Variants in MAP2K5 observed in about 807,000 individuals in gnomAD.
MAP2K5 encodes the protein mitogen-activated protein kinase kinase 5, also known as dual specificity mitogen-activated protein kinase kinase 5.
Under a neutral mutation model 83.1 loss-of-function variants are expected in MAP2K5, and 49 were observed. The observed-to-expected ratio is 0.59, with a 90% CI of 0.47 to 0.75. MAP2K5 has a LOEUF of 0.75. Among genes scored for constraint, MAP2K5 ranks in the 30% least tolerant of loss-of-function variants. The pLI is 0.00. For synonymous variants in MAP2K5, 202 were observed against 191.8 expected (o/e 1.05, Z -0.44); for missense variants, 457 against 557.5 (o/e 0.82, Z 1.82).
chr15:67,743,033 T>A (rs141054579), intron 17 of MAP2K5, among the ~76,000 whole-genome samples: 40 of 152,382 alleles, frequency 2.6e-4, no homozygotes, highest in Non-Finnish European at 5.0e-4. Flanking sequence ...CCAAGTAAAC[T>A]AATTTATGGC....
At chr15:67,595,026 T>C (rs2085495348) in intron 7 of MAP2K5, among the ~76,000 whole-genome samples, 3 of 152,204 alleles carry the variant, frequency 2.0e-5, no homozygotes, top group Admixed American at 2.0e-4. Flanking sequence ...CTTTAACACT[T>C]GAGCATAGTT....
intron 17 of MAP2K5, among the ~76,000 whole-genome samples, chr15:67,732,711 CTTG>C (rs2089248356): frequency 2.0e-5 from 3 of 151,084 alleles, no homozygotes; most frequent in Admixed American, 6.6e-5. Flanking sequence ...TGATTTTCAT[CTTG>C]TTGTTAATTT....
rs2090290801 is a variant in MAP2K5, at chr15:67,779,433, A to G, written c.1242+6681A>G. 1.3e-5 allele frequency among the ~76,000 whole-genome samples: 2 copies of G among 152,272 alleles called. No homozygotes were observed. The highest frequency in any genetic ancestry group is 4.1e-4 in the South Asian group (2 of 4,832). ...CAAGAACAGAGAGATTATAACCCTAAGAAAACAGGCTTTGTTTTTCCATAG... is the reference window on the plus strand; with the variant it reads ...CAAGAACAGAGAGATTATAACCCTAGGAAAACAGGCTTTGTTTTTCCATAG... On this transcript the variant is annotated intron_variant, in intron 21 of 21. Coordinates refer to ENST00000178640, the MANE Select transcript of MAP2K5 (RefSeq NM_145160.3). The surrounding 1 kb of genome is among the most constrained non-coding windows in gnomAD (Gnocchi z 4.6).
intron 17 of MAP2K5, among the ~76,000 whole-genome samples, chr15:67,744,617 A>C (rs1004511718): frequency 6.6e-6 from 1 of 152,238 alleles, no homozygotes; most frequent in African/African-American, 2.4e-5. Context: ...TCTGAATATA[A>C]TGTAAAAGGG....
At position 67,627,152 on chromosome 15, in the gene MAP2K5, T is replaced by TCTTGATCCCTA. The variant is rs1049338006; in HGVS notation, c.546-3736_546-3735insCTTGATCCCTA. 1.8e-4 allele frequency among the ~76,000 whole-genome samples: 28 copies of TCTTGATCCCTA among 152,290 alleles called. No individual in the cohort carries two copies. In the East Asian group the frequency reaches 2.9e-3, roughly 16 times the overall value. ...TTTTAAAAGACAGTGTCTCCCTATGTTGCCCAGGCTGGTCTTGATCTCCTG... is the reference window on the plus strand; with the variant it reads ...TTTTAAAAGACAGTGTCTCCCTATGTCTTGATCCCTATGCCCAGGCTGGTCTTGATCTCCTG... On this transcript the variant is annotated intron_variant, in intron 8 of 21. Coordinates refer to ENST00000178640, the MANE Select transcript of MAP2K5 (RefSeq NM_145160.3).
chr15:67,796,755 AT>A (rs1470484905), intron 21 of MAP2K5, among the ~76,000 whole-genome samples: 1 of 152,198 alleles, frequency 6.6e-6, no homozygotes, highest in Non-Finnish European at 1.5e-5. Context: ...CTTCAATTAT[AT>A]ATAATAAAAA....
At position 67,783,987 on chromosome 15, in the gene MAP2K5, A is replaced by T. The variant is rs925087083; in HGVS notation, c.1242+11235A>T. On this transcript the variant is annotated intron_variant, in intron 21 of 21. Coordinates refer to ENST00000178640, the MANE Select transcript of MAP2K5 (RefSeq NM_145160.3). The surrounding 1 kb of genome is among the most constrained non-coding windows in gnomAD (Gnocchi z 5.1). ...TTGAAGAGATTGAAGTAACAATTGC[A>T]CCTAACTTGGGGCTGAAGATGAATC... 3.3e-5 allele frequency among the ~76,000 whole-genome samples: 5 copies of T among 152,232 alleles called. No individual in the cohort carries two copies. Among genetic ancestry groups the T allele is most frequent in the African/African-American group, 4.8e-5 (2 of 41,460 alleles).
At position 67,630,375 on chromosome 15, in the gene MAP2K5, A is replaced by G. The variant is rs942385014; in HGVS notation, c.546-513A>G. On this transcript the variant is annotated intron_variant, in intron 8 of 21. Transcript: ENST00000178640. ...TGATTTAAGTTGTAGTTATTTCACT[A>G]TATCTGTTACTTTGAGCTTGTTTTG... 1.6e-4 allele frequency among the ~76,000 whole-genome samples: 24 copies of G among 152,272 alleles called. 1 individual carries two copies. The highest frequency in any genetic ancestry group is 1.4e-3 in the East Asian group (7 of 5,184).
intron 8 of MAP2K5, among the ~76,000 whole-genome samples, chr15:67,603,734 A>AT (rs1668173432): frequency 6.6e-6 from 1 of 152,210 alleles, no homozygotes; most frequent in South Asian, 2.1e-4. Flanking sequence ...TAAAGTCTCT[A>AT]TAAAACTAAG....
At position 67,783,360 on chromosome 15, in the gene MAP2K5, G is replaced by A. The variant is rs77148098; in HGVS notation, c.1242+10608G>A. On this transcript the variant is annotated intron_variant, in intron 21 of 21. Transcript: ENST00000178640. This position sits in a 1 kb window ranked among gnomAD's most constrained non-coding sequence, Gnocchi z 5.1. The stretch of plus-strand genomic sequence containing the variant: ...CCTCAGGCCACTCCTGTGGAGTCCT[G>A]TGCTCCAAACTTCTGGCAGTCCCCA... 0.086 allele frequency among the ~76,000 whole-genome samples: 13,048 copies of A among 152,174 alleles called. 705 individuals are homozygous for A. The highest frequency in any genetic ancestry group is 0.1 in the Admixed American group (1,588 of 15,296).
At chr15:67,660,020 T>G (rs1254386858) in intron 12 of MAP2K5, among the ~76,000 whole-genome samples, 2 of 152,162 alleles carry the variant, frequency 1.3e-5, no homozygotes, top group African/African-American at 4.8e-5. Context: ...ATTATTTTAG[T>G]GAAAGGCATT....
At chr15:67,617,901 C>T (rs1567312948) in intron 8 of MAP2K5, among the ~76,000 whole-genome samples, 1 of 151,966 alleles carries the variant, frequency 6.6e-6, no homozygotes, top group Non-Finnish European at 1.5e-5. Context: ...TCTATGTTGC[C>T]CAGGCTGGTC....
chr15:67,771,990 T>C (rs1489664637), intron 20 of MAP2K5, among the ~76,000 whole-genome samples: 3 of 152,224 alleles, frequency 2.0e-5, no homozygotes, highest in African/African-American at 7.2e-5. Flanking sequence ...CTTCATCACA[T>C]AGCTAAGTAC....
intron 13 of MAP2K5, among the ~76,000 whole-genome samples, chr15:67,675,276 C>T (rs968156511): frequency 5.9e-5 from 9 of 152,132 alleles, no homozygotes; most frequent in South Asian, 2.1e-4. Flanking sequence ...TAGAAAGGAG[C>T]GAACTGTTGA....
intron 9 of MAP2K5, among the ~76,000 whole-genome samples, chr15:67,643,595 C>T (rs566304387): frequency 7.2e-4 from 110 of 152,152 alleles, no homozygotes; most frequent in Admixed American, 1.5e-3. Flanking sequence ...TACAGGTGCC[C>T]GCCACCACAC....
intron 13 of MAP2K5, among the ~76,000 whole-genome samples, chr15:67,689,300 A>G (rs957645148): frequency 6.6e-6 from 1 of 152,222 alleles, no homozygotes; most frequent in African/African-American, 2.4e-5. Flanking sequence ...CATAAATCAT[A>G]TGCTTTGTCC....
chr15:67,630,040 C>A (rs989941287), intron 8 of MAP2K5, among the ~76,000 whole-genome samples: 2 of 152,114 alleles, frequency 1.3e-5, no homozygotes, highest in African/African-American at 4.8e-5. Flanking sequence ...CAGTTCCAGG[C>A]CAGCCTGAGC....
chr15:67,574,880 A>G (rs2085023243), intron 3 of MAP2K5, among the ~76,000 whole-genome samples: 1 of 152,216 alleles, frequency 6.6e-6, no homozygotes, highest in South Asian at 2.1e-4. Flanking sequence ...AAATAATAAT[A>G]AAAATAAAAC....
rs182501867 is a variant in MAP2K5, at chr15:67,729,943, C to G, written c.1074+1998C>G. Among the ~76,000 whole-genome samples the G allele has an allele frequency of 2.5e-4, 38 of 152,252 alleles. 1 individual carries two copies. The highest frequency in any genetic ancestry group is 2.1e-3 in the Admixed American group (32 of 15,300). On this transcript the variant is annotated intron_variant, in intron 17 of 21. Transcript: ENST00000178640. The stretch of plus-strand genomic sequence containing the variant: ...AAATTCTAATACTATGCTGAACTCC[C>G]TAGTTAGCAACAACCTTTATACCAG...
Sources: allele counts gnomAD v4.1 joint callset (sites outside exome capture counted in the v4.1 genomes callset), GRCh38; gene constraint gnomAD v4.1.1; non-coding constraint Gnocchi (gnomAD v3.1); transcripts MANE v1.5; gene names NCBI Gene and HGNC (gene_info 2026-07-23, HGNC 2026-07-21).